Variants in CCSER1 observed in about 807,000 individuals in gnomAD.
The protein encoded by CCSER1 is coiled-coil serine rich protein 1.
In CCSER1, 41 loss-of-function variants were observed where a neutral mutation model predicts 82.0. The ratio of observed to expected loss-of-function variants is 0.50; its 90% CI spans 0.39 to 0.65. The LOEUF is 0.65. Among genes scored for constraint, CCSER1 ranks in the 30% least tolerant of loss-of-function variants. The pLI is 0.00. For missense variants in CCSER1, 1,119 were observed against 1,064.2 expected (o/e 1.05, Z -0.72); for synonymous variants, 414 against 383.9 (o/e 1.08, Z -0.92).
At chr4:90,251,649 A>C (rs1322384522) in intron 1 of CCSER1, among the ~76,000 whole-genome samples, 1 of 151,758 alleles carries the variant, frequency 6.6e-6, no homozygotes, top group African/African-American at 2.4e-5. Flanking sequence ...TTTTATATAT[A>C]AAATAATAAA....
intron 8 of CCSER1, among the ~76,000 whole-genome samples, chr4:90,845,233 G>A (rs902487939): frequency 5.9e-5 from 9 of 151,806 alleles, no homozygotes; most frequent in Admixed American, 1.3e-4. Context: ...GTGGTGACAC[G>A]CGCCTGTAAT....
At chr4:90,295,615 A>G (rs1486034142) in intron 1 of CCSER1, among the ~76,000 whole-genome samples, 1 of 151,926 alleles carries the variant, frequency 6.6e-6, no homozygotes, top group Non-Finnish European at 1.5e-5. Flanking sequence ...ACTTGTTCTT[A>G]TTCTTTGCTC....
chr4:90,452,115 G>A (rs930662162), intron 4 of CCSER1, among the ~76,000 whole-genome samples: 2 of 152,026 alleles, frequency 1.3e-5, no homozygotes, highest in African/African-American at 4.8e-5. Flanking sequence ...CATCATTCAG[G>A]GTGACTATTG....
intron 10 of CCSER1, among the ~76,000 whole-genome samples, chr4:91,477,844 T>C (rs1015484289): frequency 1.3e-5 from 2 of 151,752 alleles, no homozygotes; most frequent in Admixed American, 1.3e-4. Flanking sequence ...ATGCATCAAA[T>C]TCTTCTTGTT....
chr4:91,572,464 G>C (rs1003312711), intron 10 of CCSER1, among the ~76,000 whole-genome samples: 1 of 152,056 alleles, frequency 6.6e-6, no homozygotes, highest in Non-Finnish European at 1.5e-5. Context: ...TTCAATTCCT[G>C]GTTGCCTCAA....
intron 4 of CCSER1, among the ~76,000 whole-genome samples, chr4:90,434,314 G>A (rs967390064): frequency 6.6e-6 from 1 of 152,010 alleles, no homozygotes; most frequent in South Asian, 2.1e-4. Context: ...TTTACTAGTA[G>A]CCCCTCATAT....
Position 90,883,691 on chromosome 4 carries a change from G to A in CCSER1, c.2095-39679G>A, listed in dbSNP as rs566738647. On this transcript the variant is annotated intron_variant, in intron 8 of 10. Coordinates refer to ENST00000509176, the MANE Select transcript of CCSER1 (RefSeq NM_001145065.2). The stretch of plus-strand genomic sequence containing the variant: ...CTTAGGAAAAGGCAGGTGCCAGTTA[G>A]CAGAGAGCCTTCTGTCATTCTGTCA... Among the ~76,000 whole-genome samples the A allele has an allele frequency of 3.3e-5, 5 of 152,298 alleles. No individual in the cohort carries two copies. The South Asian group carries it at 1.0e-3, about 32-fold the overall frequency.
At chr4:91,201,798 A>T (rs564064075) in intron 10 of CCSER1, among the ~76,000 whole-genome samples, 1 of 152,062 alleles carries the variant, frequency 6.6e-6, no homozygotes, top group East Asian at 1.9e-4. Context: ...TTTCAAAATG[A>T]CATCAGTAGA....
rs574189168 is a variant in CCSER1 at position 91,548,890 on chromosome 4, G to A, written c.2218-49682G>A. Reference sequence around the variant, plus strand: ...TATTCTCTAAGATTCCTGGATATGTGATGTATATTACATTAATTGGGGAAA... The same window carrying A: ...TATTCTCTAAGATTCCTGGATATGTAATGTATATTACATTAATTGGGGAAA... On this transcript the variant is annotated intron_variant, in intron 10 of 10. Coordinates refer to ENST00000509176, the MANE Select transcript of CCSER1 (RefSeq NM_001145065.2). Among the ~76,000 whole-genome samples the A allele has an allele frequency of 1.4e-4, 21 of 152,108 alleles. No individual in the cohort carries two copies. The South Asian group carries it at 4.4e-3, about 32-fold the overall frequency.
At chr4:90,159,319 A>G (rs1728978059) in intron 1 of CCSER1, among the ~76,000 whole-genome samples, 1 of 152,164 alleles carries the variant, frequency 6.6e-6, no homozygotes, top group Admixed American at 6.5e-5. Context: ...CACTGGGATT[A>G]AAGGCATGAA....
intron 6 of CCSER1, among the ~76,000 whole-genome samples, chr4:90,646,148 C>T (rs562230508): frequency 5.9e-5 from 9 of 152,098 alleles, no homozygotes; most frequent in African/African-American, 1.9e-4. Flanking sequence ...AAACTGCTGG[C>T]GTTGATTTTG....
At chr4:91,021,452 T>C (rs1378336420) in intron 9 of CCSER1, among the ~76,000 whole-genome samples, 1 of 152,218 alleles carries the variant, frequency 6.6e-6, no homozygotes, top group African/African-American at 2.4e-5. Flanking sequence ...TCAACTTTGA[T>C]TTAAAAATAG....
chr4:90,409,219 C>T (rs1754265806), intron 4 of CCSER1, among the ~76,000 whole-genome samples: 3 of 152,240 alleles, frequency 2.0e-5, no homozygotes, highest in African/African-American at 7.2e-5. Flanking sequence ...GGATATTATC[C>T]AGGACAACTT....
At chr4:91,018,127 TG>T (rs1209432659) in intron 9 of CCSER1, among the ~76,000 whole-genome samples, 1 of 152,112 alleles carries the variant, frequency 6.6e-6, no homozygotes, top group Admixed American at 6.6e-5. Context: ...CTCATGAGCA[TG>T]TTTTTTGTTT....
intron 10 of CCSER1, among the ~76,000 whole-genome samples, chr4:91,532,223 A>T (rs1761070805): frequency 6.6e-6 from 1 of 152,204 alleles, no homozygotes; most frequent in South Asian, 2.1e-4. Context: ...GTATTGGTAG[A>T]TTATAAAATG....
chr4:90,139,051 T>C (rs1323298617), intron 1 of CCSER1, among the ~76,000 whole-genome samples: 5 of 152,180 alleles, frequency 3.3e-5, no homozygotes. Flanking sequence ...TTTTTTTGTT[T>C]GTCTGTTTCT....
intron 1 of CCSER1, among the ~76,000 whole-genome samples, chr4:90,181,901 T>C (rs539591479): frequency 6.6e-6 from 1 of 152,210 alleles, no homozygotes; most frequent in African/African-American, 2.4e-5. Context: ...ATAAAAGAAG[T>C]CATTTGGTAA....
intron 10 of CCSER1, among the ~76,000 whole-genome samples, chr4:91,458,727 A>G (rs1756337129): frequency 6.6e-6 from 1 of 152,002 alleles, no homozygotes; most frequent in Non-Finnish European, 1.5e-5. Flanking sequence ...TCTTGCACTT[A>G]TTTGCTTAAA....
chr4:90,926,846 CTG>C (rs1482565864), intron 9 of CCSER1, among the ~76,000 whole-genome samples: 1 of 151,964 alleles, frequency 6.6e-6, no homozygotes, highest in African/African-American at 2.4e-5. Flanking sequence ...TTAGGTGTCA[CTG>C]TGTTATTAAA....
Sources: gnomAD v4.1 joint callset for allele counts (sites outside exome capture counted in the v4.1 genomes callset) on GRCh38, gnomAD v4.1.1 for gene constraint, MANE v1.5 for transcripts, NCBI Gene and HGNC (gene_info 2026-07-23, HGNC 2026-07-21) for gene names.